Variants in CYGB observed in about 807,000 individuals in gnomAD.
The protein encoded by CYGB is histoglobin.
CYGB carries 13 observed loss-of-function variants against 20.7 expected under a neutral mutation model. The ratio of observed to expected loss-of-function variants is 0.63; its 90% CI spans 0.41 to 1.00. CYGB has a LOEUF of 1.00. Among genes scored for constraint, CYGB ranks in the 50% least tolerant of loss-of-function variants. The probability of loss-of-function intolerance (pLI) is 0.00; values close to 1 mark genes in which losing one functional copy is unlikely to be tolerated. For missense variants in CYGB, 218 were observed against 257.2 expected, an observed-to-expected ratio of 0.85 and a Z score of 1.04; for synonymous variants, 93 against 107.4, an observed-to-expected ratio of 0.87 and a Z score of 0.83.
rs781244779 is a variant in CYGB at position 76,537,434 on chromosome 17, T to C, written c.109A>G (p.Asn37Asp). Residue 37 changes from asparagine (N) to aspartate (D), a missense_variant, in exon 1 of 4, where the codon AAC becomes GAC. Asn to Asp is a conservative substitution (Grantham distance 23). Transcript: ENST00000293230. ...VQAMWARLYA[N>D]CEDVGVAILV... ...ATGGCCACCCCCACGTCCTCGCAGTTGGCATAGAGCCGGGCCCACATAGCC... is the reference window on the plus strand; with the variant it reads ...ATGGCCACCCCCACGTCCTCGCAGTCGGCATAGAGCCGGGCCCACATAGCC... 3.1e-6 allele frequency: 5 copies of C among 1,598,424 alleles called. No individual in the cohort carries two copies. The East Asian group carries it at 1.2e-4, about 37-fold the overall frequency.
Position 76,530,118 on chromosome 17 carries a change from C to T in CYGB, c.539+861G>A. 1 of 982,094 alleles carries T rather than the reference C, an allele frequency of 1.0e-6. No individual in the cohort carries two copies. Among genetic ancestry groups the T allele is most frequent in the Non-Finnish European group, 1.2e-6 (1 of 828,424 alleles). The allele number at this position is 982,094 out of a possible 1,614,324, so 60.8% of individuals were successfully genotyped here. On this transcript the variant is annotated intron_variant, in intron 3 of 3. Transcript: ENST00000293230. The surrounding 1 kb of genome is among the most constrained non-coding windows in gnomAD (Gnocchi z 6.1). The stretch of plus-strand genomic sequence containing the variant: ...GAAACTGCTGGGAATGTTTCTCTAC[C>T]ACGGGAATGTTTCTCTACCACGCGT...
intron 1 of CYGB, among the ~76,000 whole-genome samples, chr17:76,547,723 A>C (rs1418277249): frequency 2.6e-5 from 4 of 151,258 alleles, no homozygotes; most frequent in African/African-American, 9.7e-5. Context: ...AGAGACACAT[A>C]CATTCACACA....
rs2074847195 is a variant in CYGB at position 76,531,756 on chromosome 17, C to A, written c.144-65G>T. On this transcript the variant is annotated intron_variant, in intron 1 of 3. Coordinates refer to ENST00000293230, the MANE Select transcript of CYGB (RefSeq NM_134268.5). The surrounding 1 kb of genome is among the most constrained non-coding windows in gnomAD (Gnocchi z 7.4). The stretch of plus-strand genomic sequence containing the variant: ...TGCCTCGGGCCCACCCTGAAGCTTC[C>A]AGGATAGTGGGGGCTGAAGAAGTGG... The A allele has an allele frequency of 7.2e-7, 1 of 1,395,896 alleles. No homozygotes were observed. Among genetic ancestry groups the A allele is most frequent in the African/African-American group, 1.4e-5 (1 of 69,378 alleles). The allele number at this position is 1,395,896 out of a possible 1,614,324, so 86.5% of individuals were successfully genotyped here.
rs1488538592 is a variant in CYGB, at chr17:76,531,797, A to AC, written c.144-107dup. ...GAAGAAGTGGACCGCAGTGCTCCCC[A>AC]CCCCCGCACCGTCACTGTTTTCACT... On this transcript the variant is annotated intron_variant, in intron 1 of 3. Transcript: ENST00000293230. The surrounding 1 kb of genome is among the most constrained non-coding windows in gnomAD (Gnocchi z 7.4). 2 of 873,346 alleles carry AC rather than the reference A, an allele frequency of 2.3e-6. No individual in the cohort carries two copies. Among genetic ancestry groups the AC allele is most frequent in the East Asian group, 2.6e-5 (1 of 38,284 alleles). The allele number at this position is 873,346 out of a possible 1,614,324, so 54.1% of individuals were successfully genotyped here.
rs1289467698 is a variant in CYGB at position 76,543,865 on chromosome 17, G to C, written c.-53+6997C>G. 3 of 471,030 alleles carry C rather than the reference G, an allele frequency of 6.4e-6. No individual in the cohort carries two copies. In the Admixed American group the frequency reaches 7.0e-5, roughly 11 times the overall value. The allele number at this position is 471,030 out of a possible 1,614,324, so 29.2% of individuals were successfully genotyped here. On this transcript the variant is annotated intron_variant, in intron 1 of 3. Coordinates refer to the CYGB transcript ENST00000589145. ...AATTATCAATAAGAAATGCCAGTTG[G>C]ATCTGTGACATGTCTGCCTGCAGCT...
chr17:76,543,073 G>A, intron 1 of CYGB: 1 of 471,834 alleles, frequency 2.1e-6, no homozygotes. Context: ...TGCTGTGGGA[G>A]CTGCAGCAGC....
At chr17:76,547,858 T>TAC (rs1301516414) in intron 1 of CYGB, among the ~76,000 whole-genome samples, 1 of 141,210 alleles carries the variant, frequency 7.1e-6, no homozygotes, top group Non-Finnish European at 1.5e-5. Flanking sequence ...CACACAGACA[T>TAC]ACACATATAC....
upstream of CYGB, chr17:76,538,573 G>A: frequency 2.2e-6 from 1 of 461,090 alleles, no homozygotes; most frequent in Non-Finnish European, 4.5e-6. Context: ...GAGAGGCACC[G>A]GATAGGGCAG....
In CYGB at chr17:76,531,809, T is replaced by C; in HGVS notation, c.144-118A>G. ...CGCAGTGCTCCCCACCCCCGCACCG[T>C]CACTGTTTTCACTACCATCAGTAGA... On this transcript the variant is annotated intron_variant, in intron 1 of 3. Coordinates refer to ENST00000293230, the MANE Select transcript of CYGB (RefSeq NM_134268.5). The surrounding 1 kb of genome is among the most constrained non-coding windows in gnomAD (Gnocchi z 7.4). 2.6e-6 allele frequency: 2 copies of C among 759,758 alleles called. No individual in the cohort carries two copies. Among genetic ancestry groups the C allele is most frequent in the Non-Finnish European group, 4.2e-6 (2 of 471,934 alleles). 47.1% of individuals were successfully genotyped at this position (759,758 alleles called of 1,614,324 possible).
intron 1 of CYGB, among the ~76,000 whole-genome samples, chr17:76,548,260 A>G (rs1304047361): frequency 1.3e-5 from 2 of 152,232 alleles, no homozygotes; most frequent in Non-Finnish European, 2.9e-5. Flanking sequence ...TCACACACAC[A>G]GATACACATA....
At chr17:76,540,680 G>A (rs2289607), upstream of CYGB, 10 of 1,120,658 alleles carry the variant, frequency 8.9e-6, no homozygotes, top group Admixed American at 1.9e-5. The surrounding 1 kb of genome is among the most constrained non-coding windows in gnomAD (Gnocchi z 5.0). Context: ...TGCGTGCACC[G>A]TATCCTGGCC....
At chr17:76,543,274 G>C (rs1034787991) in intron 1 of CYGB, 1 of 359,092 alleles carries the variant, frequency 2.8e-6, no homozygotes, top group Admixed American at 3.7e-5. Flanking sequence ...AGTTCCTGAG[G>C]CTCCTCTGAG....
Position 76,537,573 on chromosome 17 carries a change from CG to C in CYGB, c.-32del, listed in dbSNP as rs1447176860. 1 of 1,280,632 alleles carries C rather than the reference CG, an allele frequency of 7.8e-7. No homozygotes were observed. The highest frequency in any genetic ancestry group is 1.0e-6 in the Non-Finnish European group (1 of 1,003,472). 79.3% of individuals were successfully genotyped at this position (1,280,632 alleles called of 1,614,324 possible). A position where few individuals can be genotyped will look rare whatever the true frequency, so the allele number is the denominator to read the frequency against. On this transcript the variant is annotated 5_prime_UTR_variant, in exon 1 of 4. Coordinates refer to ENST00000293230, the MANE Select transcript of CYGB (RefSeq NM_134268.5). The stretch of plus-strand genomic sequence containing the variant: ...GCTCCAAGCCCAGCCCGGCTTTGCT[CG>C]GCGGCGGCGGTGGCGGGGCGCGGGG...
upstream of CYGB, chr17:76,542,583 C>T (rs762512168): frequency 1.2e-6 from 2 of 1,614,100 alleles, no homozygotes; most frequent in South Asian, 2.2e-5. Context: ...AAGCCCTCAC[C>T]TCTGCAGGTG....
upstream of CYGB, among the ~76,000 whole-genome samples, chr17:76,539,141 T>C (rs1383092804): frequency 6.6e-6 from 1 of 151,698 alleles, no homozygotes; most frequent in African/African-American, 2.4e-5. Flanking sequence ...GGGGAGCGGG[T>C]GGGTTCAGGT....
intron 1 of CYGB, among the ~76,000 whole-genome samples, chr17:76,547,841 TCACA>T (rs144275867): frequency 5.7e-5 from 7 of 123,762 alleles, no homozygotes; most frequent in African/African-American, 4.1e-5. Flanking sequence ...CAACACACAT[TCACA>T]CACACACAGA....
At chr17:76,541,356 T>C (rs2074991431), upstream of CYGB, among the ~76,000 whole-genome samples, 1 of 152,172 alleles carries the variant, frequency 6.6e-6, no homozygotes, top group Non-Finnish European at 1.5e-5. Flanking sequence ...GTAAAAAAGA[T>C]CCGATGACAT....
Position 76,546,922 on chromosome 17 carries a change from G to A in CYGB, c.-53+3940C>T, listed in dbSNP as rs940209344. On this transcript the variant is annotated intron_variant, in intron 1 of 3. Coordinates refer to the CYGB transcript ENST00000589145. The surrounding 1 kb of genome is among the most constrained non-coding windows in gnomAD (Gnocchi z 4.5). ...ATAGCTGGCAGTGAAGCCAGGACCTGAGCCTGGGAAATCTGACACCAAAGC... is the reference window on the plus strand; with the variant it reads ...ATAGCTGGCAGTGAAGCCAGGACCTAAGCCTGGGAAATCTGACACCAAAGC... 2.6e-5 allele frequency: 4 copies of A among 152,256 alleles called. No individual in the cohort carries two copies. Among genetic ancestry groups the A allele is most frequent in the Non-Finnish European group, 5.9e-5 (4 of 68,050 alleles). 9.4% of individuals were successfully genotyped at this position (152,256 alleles called of 1,614,324 possible). A position where few individuals can be genotyped will look rare whatever the true frequency, so the allele number is the denominator to read the frequency against.
At position 76,531,565 on chromosome 17, in the gene CYGB, G is replaced by C; in HGVS notation, c.270C>G (p.Asn90Lys). Residue 90 changes from asparagine to lysine, a missense_variant, in exon 2 of 4, where the codon AAC becomes AAG. By Grantham distance (94) the Asn-to-Lys change is moderately conservative (BLOSUM62 0). This residue lies in a region of CYGB where 152 missense variants were observed against 149.9 expected (regional missense o/e 1.01). Coordinates refer to ENST00000293230, the MANE Select transcript of CYGB (RefSeq NM_134268.5). This position sits in a 1 kb window ranked among gnomAD's most constrained non-coding sequence, Gnocchi z 7.4. ...KHACRVMGALNTVVENLHDPD... is the reference protein window; with the variant it reads ...KHACRVMGALKTVVENLHDPD... ...GGTCATGCAGGTTCTCCACGACAGT[G>C]TTGAGGGCCCCCATGACTCGGCAGG... 1 of 1,614,140 alleles carries C rather than the reference G, an allele frequency of 6.2e-7. No homozygotes were observed. Among genetic ancestry groups the C allele is most frequent in the Non-Finnish European group, 8.5e-7 (1 of 1,179,950 alleles).
Sources: gnomAD v4.1 joint callset for allele counts (sites outside exome capture counted in the v4.1 genomes callset) on GRCh38, gnomAD v4.1.1 for gene constraint, gnomAD v4.1.1 regional missense constraint, Gnocchi (gnomAD v3.1) non-coding constraint, MANE v1.5 for transcripts, NCBI Gene and HGNC (gene_info 2026-07-23, HGNC 2026-07-21) for gene names.